Variants in SLC6A3 observed in about 807,000 individuals in gnomAD.
SLC6A3 encodes solute carrier family 6 member 3, also known as sodium-dependent dopamine transporter.
In SLC6A3, 19 loss-of-function variants were observed where a neutral mutation model predicts 70.4. The observed-to-expected ratio is 0.27, with a 90% CI of 0.19 to 0.40. The LOEUF (loss-of-function observed/expected upper bound fraction) is 0.40, where lower values mean the gene tolerates loss of function less well. Ranked by LOEUF, SLC6A3 falls within the 10% of genes least tolerant of loss-of-function variation. The probability of loss-of-function intolerance (pLI) is 1.00; values close to 1 mark genes in which losing one functional copy is unlikely to be tolerated. For missense variants in SLC6A3, 613 were observed against 838.5 expected, an observed-to-expected ratio of 0.73 and a Z score of 3.32; for synonymous variants, 368 against 356.6, an observed-to-expected ratio of 1.03 and a Z score of -0.36.
At chr5:1,440,736 A>C (rs762629907) in intron 3 of SLC6A3, among the ~76,000 whole-genome samples, 1 of 151,928 alleles carries the variant, frequency 6.6e-6, no homozygotes, top group Non-Finnish European at 1.5e-5. Flanking sequence ...AGGCACAGGG[A>C]GAAGACAATC....
intron 3 of SLC6A3, among the ~76,000 whole-genome samples, chr5:1,433,816 C>G (rs487781): frequency 0.31 from 47,109 of 151,708 alleles, 8,223 homozygotes; most frequent in East Asian, 0.52. Flanking sequence ...ACCATCCACA[C>G]CCAACCACAA....
rs1441078499 is a variant in SLC6A3 at position 1,402,382 on chromosome 5, T to A, written c.1767+540A>T. 6.6e-6 allele frequency among the ~76,000 whole-genome samples: 1 copy of A among 151,734 alleles called. No homozygotes were observed. On this transcript the variant is annotated intron_variant, in intron 13 of 14. Coordinates refer to ENST00000270349, the MANE Select transcript of SLC6A3 (RefSeq NM_001044.5). The surrounding 1 kb of genome is among the most constrained non-coding windows in gnomAD (Gnocchi z 8.5). ...ATGCATATCAGTGACTCCGCAAAGC[T>A]TCCTCCACTGCCTGGGGCTCCAGCT...
chr5:1,414,853 A>T (rs1398834227), intron 7 of SLC6A3, 38 bp from the exon 8 acceptor site: 2 of 1,611,974 alleles, frequency 1.2e-6, no homozygotes. Context: ...GAACCAGCTG[A>T]GCTGCAGCAG....
intron 14 of SLC6A3, among the ~76,000 whole-genome samples, chr5:1,399,241 C>T (rs1755789578): frequency 6.6e-6 from 1 of 151,782 alleles, no homozygotes; most frequent in Non-Finnish European, 1.5e-5. Context: ...TATGAGTTGA[C>T]AAAGTCACAA....
rs549660898 is a variant in SLC6A3, at chr5:1,418,845, C to T, written c.927+1724G>A. On this transcript the variant is annotated intron_variant, in intron 6 of 14. Coordinates refer to ENST00000270349, the MANE Select transcript of SLC6A3 (RefSeq NM_001044.5). The stretch of plus-strand genomic sequence containing the variant: ...TCCACCCATCATCCATCCACCCACC[C>T]GTCATCCATCCATTATCCATCCATC... 1.1e-4 allele frequency among the ~76,000 whole-genome samples: 16 copies of T among 149,296 alleles called. No individual in the cohort carries two copies. The East Asian group carries it at 2.4e-3, about 23-fold the overall frequency.
At chr5:1,422,412 G>A (rs372719132) in intron 4 of SLC6A3, among the ~76,000 whole-genome samples, 1,485 of 42,634 alleles carry the variant, frequency 0.035, 66 homozygotes, top group African/African-American at 0.13. Flanking sequence ...CGCTGCCCAC[G>A]GTGCTGCCCA....
rs1373529485 is a variant in SLC6A3 at position 1,413,155 on chromosome 5, G to T, written c.1156+1536C>A. ...TTTTCAGGGGTTAATAGAGGTTTTTGCAAACTATGCTCGTTATCATAATAA... is the reference window on the plus strand; with the variant it reads ...TTTTCAGGGGTTAATAGAGGTTTTTTCAAACTATGCTCGTTATCATAATAA... On this transcript the variant is annotated intron_variant, in intron 8 of 14. Coordinates refer to ENST00000270349, the MANE Select transcript of SLC6A3 (RefSeq NM_001044.5). The surrounding 1 kb of genome is among the most constrained non-coding windows in gnomAD (Gnocchi z 7.1). Among the ~76,000 whole-genome samples the T allele has an allele frequency of 6.6e-6, 1 of 152,182 alleles. No individual in the cohort carries two copies. The highest frequency in any genetic ancestry group is 1.5e-5 in the Non-Finnish European group (1 of 68,018).
intron 2 of SLC6A3, among the ~76,000 whole-genome samples, chr5:1,441,934 C>T (rs1733682561): frequency 6.6e-6 from 1 of 152,204 alleles, no homozygotes; most frequent in South Asian, 2.1e-4. Flanking sequence ...TCCCCAGCTT[C>T]TGGGGCCCTC....
rs28363149 is a variant in SLC6A3, at chr5:1,400,816, A to ATCTACACCAGCCCTG, written c.1839+98_1839+99insCAGGGCTGGTGTAGA. 73,964 of 878,280 alleles carry ATCTACACCAGCCCTG rather than the reference A, an allele frequency of 0.084. 6,878 individuals carry two copies. The highest frequency in any genetic ancestry group is 0.41 in the African/African-American group (23,981 of 58,958). 54.4% of individuals were successfully genotyped at this position (878,280 alleles called of 1,614,324 possible). On this transcript the variant is annotated intron_variant, in intron 14 of 14. Transcript: ENST00000270349. Reference sequence around the variant, plus strand: ...CATGCTGGCTGAGTAAATGAGCACCATCTACACCAGCCTCGGAGCCCCCTG... The same window carrying ATCTACACCAGCCCTG: ...CATGCTGGCTGAGTAAATGAGCACCATCTACACCAGCCCTGTCTACACCAGCCTCGGAGCCCCCTG...
At chr5:1,432,267 C>A (rs373606714) in intron 4 of SLC6A3, among the ~76,000 whole-genome samples, 197 bp downstream of exon 4, 30 of 152,290 alleles carry the variant, frequency 2.0e-4, no homozygotes, top group African/African-American at 7.2e-4. Flanking sequence ...CCTACAGGAG[C>A]TTTGCTGAGC....
At position 1,414,724 on chromosome 5, in the gene SLC6A3, G is replaced by T; in HGVS notation, c.1123C>A (p.His375Asn). 1 of 1,612,680 alleles carries T rather than the reference G, an allele frequency of 6.2e-7. No individual in the cohort carries two copies. Among genetic ancestry groups the T allele is most frequent in the Non-Finnish European group, 8.5e-7 (1 of 1,179,828 alleles). The change falls in exon 8 of 15, where the codon CAC becomes AAC. Residue 375 changes from histidine (H) to asparagine (N), a missense_variant. His to Asn is a moderately conservative substitution (Grantham distance 68, BLOSUM62 1). Coordinates refer to ENST00000270349, the MANE Select transcript of SLC6A3 (RefSeq NM_001044.5). ...GCCACGTCCCCGATGGGCACACTGT[G>T]CTTCTGTGCCATGTACCCCAGGAAG... ...FSFLGYMAQKHSVPIGDVAKD... is the reference protein window; with the variant it reads ...FSFLGYMAQKNSVPIGDVAKD...
chr5:1,442,886 C>CA lies in SLC6A3; in HGVS notation c.286+25_286+26insT. ...CTACGACCCCCGCCCGGCCAGCATG[C>CA]TCAGGGAGGCTGAGATGGGACTTAC... On this transcript the variant is annotated intron_variant, in intron 2 of 14. Coordinates refer to ENST00000270349, the MANE Select transcript of SLC6A3 (RefSeq NM_001044.5). This position sits in a 1 kb window ranked among gnomAD's most constrained non-coding sequence, Gnocchi z 5.0. The CA allele has an allele frequency of 6.2e-7, 1 of 1,613,896 alleles. No homozygotes were observed. Among genetic ancestry groups the CA allele is most frequent in the Non-Finnish European group, 8.5e-7 (1 of 1,179,884 alleles).
At chr5:1,424,093 G>A (rs752666871) in intron 4 of SLC6A3, among the ~76,000 whole-genome samples, 14 of 152,240 alleles carry the variant, frequency 9.2e-5, no homozygotes, top group Non-Finnish European at 1.6e-4. Context: ...CAGTGCCTCC[G>A]TCCTATCCTG....
chr5:1,442,617 G>C lies in SLC6A3; in HGVS notation c.286+295C>G, dbSNP rs2981359. On this transcript the variant is annotated intron_variant, in intron 2 of 14. Transcript: ENST00000270349. This position sits in a 1 kb window ranked among gnomAD's most constrained non-coding sequence, Gnocchi z 5.0. ...CTTTCCAAAGCGAAGATAGCCTCTG[G>C]AAACAGGAGGCAGAGCCAAGCTGCC... Among the ~76,000 whole-genome samples, 81,796 of 151,946 alleles carry C rather than the reference G, an allele frequency of 0.54. 22,160 individuals are homozygous for C. The highest frequency in any genetic ancestry group is 0.58 in the East Asian group (2,984 of 5,126).
intron 14 of SLC6A3, 118 bp downstream of exon 14, chr5:1,400,797 G>A (rs1755830769): frequency 2.7e-6 from 2 of 739,668 alleles, no homozygotes; most frequent in South Asian, 3.1e-5. Context: ...AGCACATGCT[G>A]GCTGAGTAAA....
Position 1,411,182 on chromosome 5 carries a change from C to G in SLC6A3, c.1269+61G>C. ...CTTGCCTAGCCCTGGGAGGGCAGGGCCCCCTCGGGTGGAAGGAACCCAACT... is the reference window on the plus strand; with the variant it reads ...CTTGCCTAGCCCTGGGAGGGCAGGGGCCCCTCGGGTGGAAGGAACCCAACT... On this transcript the variant is annotated intron_variant, in intron 9 of 14. Coordinates refer to ENST00000270349, the MANE Select transcript of SLC6A3 (RefSeq NM_001044.5). This position sits in a 1 kb window ranked among gnomAD's most constrained non-coding sequence, Gnocchi z 6.5. The G allele has an allele frequency of 8.5e-7, 1 of 1,181,560 alleles. No individual in the cohort carries two copies. The highest frequency in any genetic ancestry group is 1.2e-6 in the Non-Finnish European group (1 of 812,724). The allele number at this position is 1,181,560 out of a possible 1,614,324, so 73.2% of individuals were successfully genotyped here.
At chr5:1,435,514 C>T (rs1756808466) in intron 3 of SLC6A3, among the ~76,000 whole-genome samples, 1 of 152,246 alleles carries the variant, frequency 6.6e-6, no homozygotes, top group Non-Finnish European at 1.5e-5. Flanking sequence ...CACAGATTGG[C>T]AGGGCCACCA....
At chr5:1,443,428 C>T (rs1733729515) in intron 1 of SLC6A3, among the ~76,000 whole-genome samples, 186 bp from the exon 2 acceptor site, 1 of 152,186 alleles carries the variant, frequency 6.6e-6, no homozygotes, top group Non-Finnish European at 1.5e-5. Flanking sequence ...AAGTGCCAGC[C>T]CTCACCACAG....
chr5:1,434,867 A>T (rs1756792675), intron 3 of SLC6A3, among the ~76,000 whole-genome samples: 2 of 152,194 alleles, frequency 1.3e-5, no homozygotes, highest in African/African-American at 4.8e-5. Flanking sequence ...CCTTGAAAGC[A>T]AAAAGAAGAC....
Sources: gnomAD v4.1 joint callset for allele counts (sites outside exome capture counted in the v4.1 genomes callset) on GRCh38, gnomAD v4.1.1 for gene constraint, Gnocchi (gnomAD v3.1) non-coding constraint, MANE v1.5 for transcripts, NCBI Gene and HGNC (gene_info 2026-07-23, HGNC 2026-07-21) for gene names.